Variants in ANO2 observed in about 807,000 individuals in gnomAD.
The protein encoded by ANO2 is anoctamin 2, also known as anoctamin-2.
ANO2 carries 101 observed loss-of-function variants against 124.2 expected under a neutral mutation model. That is an observed-to-expected ratio of 0.81 (90% CI 0.69 to 0.96). The LOEUF is 0.96. ANO2 is among the 40% of genes least tolerant of loss of function. The pLI, the probability that ANO2 is intolerant of heterozygous loss-of-function variation, is 0.00. For synonymous variants in ANO2, 486 were observed against 482.5 expected, an observed-to-expected ratio of 1.01 and a Z score of -0.09; for missense variants, 1,293 against 1,274.5, an observed-to-expected ratio of 1.01 and a Z score of -0.22.
chr12:5,584,060 G>A (rs187594269), intron 20 of ANO2: 282 of 258,566 alleles, frequency 1.1e-3, no homozygotes, highest in Non-Finnish European at 1.5e-3. Context: ...ACTATTTCCC[G>A]ATTGTGATTC....
intron 1 of ANO2, 31 bp downstream of exon 1, chr12:5,945,165 G>A (rs1335439449): frequency 7.8e-7 from 1 of 1,288,196 alleles, no homozygotes; most frequent in South Asian, 1.2e-5. Context: ...ACCTGTAGGA[G>A]ACCAGGACCA....
intron 14 of ANO2, among the ~76,000 whole-genome samples, chr12:5,670,654 C>T (rs1947952584): frequency 2.6e-5 from 4 of 152,182 alleles, no homozygotes; most frequent in Admixed American, 2.0e-4. Context: ...CCCACCACAC[C>T]CTCCCAAGTA....
intron 10 of ANO2, among the ~76,000 whole-genome samples, chr12:5,766,137 C>A (rs1951881635): frequency 6.6e-6 from 1 of 152,174 alleles, no homozygotes; most frequent in African/African-American, 2.4e-5. Flanking sequence ...TTTGGAAAAA[C>A]TGCTTGTGGC....
intron 20 of ANO2, among the ~76,000 whole-genome samples, chr12:5,594,805 T>C (rs1200401314): frequency 1.3e-5 from 2 of 152,110 alleles, no homozygotes; most frequent in Non-Finnish European, 2.9e-5. Flanking sequence ...GCCACTGCAC[T>C]CCAGCCTGGG....
intron 12 of ANO2, among the ~76,000 whole-genome samples, chr12:5,743,039 G>A (rs1287237777): frequency 6.6e-6 from 1 of 151,880 alleles, no homozygotes; most frequent in African/African-American, 2.4e-5. Context: ...TTTTATTGGT[G>A]GCCTAGCAAT....
At chr12:5,675,243 C>A (rs1266229270) in intron 14 of ANO2, among the ~76,000 whole-genome samples, 1 of 152,196 alleles carries the variant, frequency 6.6e-6, no homozygotes, top group African/African-American at 2.4e-5. Context: ...CCTATTTGTC[C>A]TTGTAAAACC....
At chr12:5,603,097 A>G (rs1422020251) in intron 19 of ANO2, among the ~76,000 whole-genome samples, 1 of 152,162 alleles carries the variant, frequency 6.6e-6, no homozygotes, top group Non-Finnish European at 1.5e-5. Flanking sequence ...GCAAACAGAA[A>G]CCCCACAAAA....
intron 23 of ANO2, 115 bp from the exon 24 acceptor site, chr12:5,565,778 T>C (rs1359853494): frequency 1.5e-5 from 12 of 798,346 alleles, no homozygotes; most frequent in Non-Finnish European, 2.4e-5. Context: ...GCCCTTGGCA[T>C]TGACTTGAGA....
chr12:5,721,907 C>G (rs1258079180), intron 14 of ANO2, among the ~76,000 whole-genome samples: 1 of 152,200 alleles, frequency 6.6e-6, no homozygotes, highest in African/African-American at 2.4e-5. Flanking sequence ...AAAAGAAATA[C>G]TTAACAGTTC....
At chr12:5,688,810 C>CTTTT (rs36091783) in intron 14 of ANO2, among the ~76,000 whole-genome samples, 5 of 119,360 alleles carry the variant, frequency 4.2e-5, no homozygotes, top group East Asian at 2.5e-4. Context: ...TGGGAGTATC[C>CTTTT]TTTTTTTTTT....
At position 5,807,387 on chromosome 12, in the gene ANO2, T is replaced by C. The variant is rs757109851; in HGVS notation, c.893-19A>G. On this transcript the variant is annotated intron_variant, in intron 7 of 24. Transcript: ENST00000682330. ...TTAATACCTACGGAAGAAAGGGAGA[T>C]GAAAATAGTAACTCTGGGGCAAGCG... The C allele has an allele frequency of 1.3e-5, 20 of 1,550,098 alleles. 1 individual carries two copies. In the East Asian group the frequency reaches 3.9e-4, roughly 30 times the overall value.
intron 14 of ANO2, among the ~76,000 whole-genome samples, chr12:5,651,430 C>A (rs1266351661): frequency 6.8e-6 from 1 of 148,130 alleles, no homozygotes; most frequent in African/African-American, 2.5e-5. Context: ...TTCTCTTTTT[C>A]TTTTTTTAGA....
At chr12:5,877,292 A>G (rs1255700277) in intron 3 of ANO2, among the ~76,000 whole-genome samples, 1 of 152,192 alleles carries the variant, frequency 6.6e-6, no homozygotes, top group Non-Finnish European at 1.5e-5. Flanking sequence ...GACTGCCAGT[A>G]GCCATAGGAA....
intron 3 of ANO2, among the ~76,000 whole-genome samples, chr12:5,866,028 G>A (rs1955418139): frequency 6.6e-6 from 1 of 152,208 alleles, no homozygotes; most frequent in South Asian, 2.1e-4. Context: ...TCAGCCATAT[G>A]TTTTTAGCAG....
chr12:5,639,546 G>A (rs1946224295), intron 15 of ANO2, among the ~76,000 whole-genome samples: 1 of 152,194 alleles, frequency 6.6e-6, no homozygotes, highest in African/African-American at 2.4e-5. Flanking sequence ...GGGATCGGTT[G>A]CAATTTAAAA....
chr12:5,781,580 T>C lies in ANO2; in HGVS notation c.1055+17927A>G, dbSNP rs188154461. On this transcript the variant is annotated intron_variant, in intron 10 of 24. Coordinates refer to ENST00000682330, the MANE Select transcript of ANO2 (RefSeq NM_001364791.2). ...TTAAAAAGGTCATATGAACTACTTC[T>C]TTTTCATACTTGCTAATAAATGTTT... Among the ~76,000 whole-genome samples, 198 of 152,376 alleles carry C rather than the reference T, an allele frequency of 1.3e-3. 2 individuals are homozygous for C. The highest frequency in any genetic ancestry group is 4.4e-3 in the African/African-American group (184 of 41,588).
chr12:5,591,164 G>A (rs1431904778), intron 20 of ANO2, among the ~76,000 whole-genome samples: 2 of 152,196 alleles, frequency 1.3e-5, no homozygotes, highest in African/African-American at 4.8e-5. Context: ...TGGGCAACAA[G>A]AGCGAAACTG....
chr12:5,816,150 C>CTTT (rs35287420), intron 7 of ANO2, among the ~76,000 whole-genome samples: 1 of 146,226 alleles, frequency 6.8e-6, no homozygotes, highest in Non-Finnish European at 1.5e-5. Context: ...CTCTCTCTCT[C>CTTT]TTTTTTTTTT....
intron 20 of ANO2, among the ~76,000 whole-genome samples, chr12:5,596,576 C>T (rs1244627390): frequency 6.6e-6 from 1 of 152,142 alleles, no homozygotes; most frequent in African/African-American, 2.4e-5. Flanking sequence ...GTCTGAATCT[C>T]ACTCTCTACA....
Sources: gnomAD v4.1 joint callset for allele counts (sites outside exome capture counted in the v4.1 genomes callset) on GRCh38, gnomAD v4.1.1 for gene constraint, MANE v1.5 for transcripts, NCBI Gene and HGNC (gene_info 2026-07-23, HGNC 2026-07-21) for gene names.